The following PCDHGB7 variants were observed in gnomAD, a reference collection of about 807,000 sequenced individuals.
PCDHGB7 encodes the protein protocadherin gamma-B7.
In PCDHGB7, 37 loss-of-function variants were observed where a neutral mutation model predicts 61.4. The ratio of observed to expected loss-of-function variants is 0.60; its 90% CI spans 0.46 to 0.79. PCDHGB7 has a LOEUF of 0.79. Ranked by LOEUF, PCDHGB7 falls within the 30% of genes least tolerant of loss-of-function variation. The probability of loss-of-function intolerance (pLI) is 0.00; values close to 1 mark genes in which losing one functional copy is unlikely to be tolerated. For missense variants in PCDHGB7, 1,166 were observed against 1,202.5 expected (o/e 0.97, Z 0.45); for synonymous variants, 464 against 503.5 (o/e 0.92, Z 1.05).
chr5:141,468,374 C>T (rs1340499708), intron 1 of PCDHGB7: 2 of 150,736 alleles, frequency 1.3e-5, no homozygotes, highest in Non-Finnish European at 3.0e-5. Context: ...ATAACTCAGC[C>T]ATACAAGGCT....
At chr5:141,501,206 A>G (rs977574347) in intron 2 of PCDHGB7, among the ~76,000 whole-genome samples, 22 of 151,674 alleles carry the variant, frequency 1.5e-4, no homozygotes, top group African/African-American at 5.3e-4. Context: ...GGGTGTTGTC[A>G]GGGTGACTTC....
intron 1 of PCDHGB7, among the ~76,000 whole-genome samples, chr5:141,467,361 G>A (rs555435172): frequency 1.3e-5 from 2 of 151,860 alleles, no homozygotes; most frequent in South Asian, 4.2e-4. Context: ...CCAAATCAAC[G>A]TTTTCTTATA....
intron 1 of PCDHGB7, among the ~76,000 whole-genome samples, chr5:141,433,999 A>G (rs1471657184): frequency 6.6e-6 from 1 of 152,070 alleles, no homozygotes; most frequent in Admixed American, 6.6e-5. Context: ...TATATTCTCT[A>G]TATATGTTTG....
Position 141,476,559 on chromosome 5 carries a change from T to C in PCDHGB7, c.2416-18248T>C. The stretch of plus-strand genomic sequence containing the variant: ...ATGAAATTGGAGATTAGCGAGGCCG[T>C]GGCTCCGGGGACGCGCTTTCCGCTC... On this transcript the variant is annotated intron_variant, in intron 1 of 3. Coordinates refer to ENST00000398594, the MANE Select transcript of PCDHGB7 (RefSeq NM_018927.4). This position sits in a 1 kb window ranked among gnomAD's most constrained non-coding sequence, Gnocchi z 7.6. 4 of 1,614,228 alleles carry C rather than the reference T, an allele frequency of 2.5e-6. No homozygotes were observed. Among genetic ancestry groups the C allele is most frequent in the Non-Finnish European group, 3.4e-6 (4 of 1,180,036 alleles).
rs532631149 is a variant in PCDHGB7, at chr5:141,506,489, C to A, written c.2563+1008C>A. On this transcript the variant is annotated intron_variant, in intron 3 of 3. Transcript: ENST00000398594. ...AAGAGCACAGGCTTTAGAGGCAGGC[C>A]AATCTGGATTCAAATCCTGGCACCT... 1.9e-4 allele frequency among the ~76,000 whole-genome samples: 29 copies of A among 150,750 alleles called. 1 individual carries two copies. In the South Asian group the frequency reaches 5.9e-3, roughly 31 times the overall value.
At position 141,476,565 on chromosome 5, in the gene PCDHGB7, C is replaced by A; in HGVS notation, c.2416-18242C>A. 1 of 1,614,184 alleles carries A rather than the reference C, an allele frequency of 6.2e-7. No homozygotes were observed. ...TTGGAGATTAGCGAGGCCGTGGCTC[C>A]GGGGACGCGCTTTCCGCTCGAGAGC... On this transcript the variant is annotated intron_variant, in intron 1 of 3. Coordinates refer to ENST00000398594, the MANE Select transcript of PCDHGB7 (RefSeq NM_018927.4). The surrounding 1 kb of genome is among the most constrained non-coding windows in gnomAD (Gnocchi z 7.6).
chr5:141,471,036 C>A (rs1437409726), intron 1 of PCDHGB7, among the ~76,000 whole-genome samples: 1 of 144,908 alleles, frequency 6.9e-6, no homozygotes, highest in Admixed American at 7.0e-5. Context: ...TATTAACAAG[C>A]CCAAGCCCTC....
chr5:141,489,592 C>A lies in PCDHGB7; in HGVS notation c.2416-5215C>A, dbSNP rs747085985. On this transcript the variant is annotated intron_variant, in intron 1 of 3. Coordinates refer to ENST00000398594, the MANE Select transcript of PCDHGB7 (RefSeq NM_018927.4). The surrounding 1 kb of genome is among the most constrained non-coding windows in gnomAD (Gnocchi z 4.5). ...GACTGAACACCCCCTGGAGCTAATCCGTGTAGAGGTAGAGATCCTGGATCT... is the reference window on the plus strand; with the variant it reads ...GACTGAACACCCCCTGGAGCTAATCAGTGTAGAGGTAGAGATCCTGGATCT... 3 of 1,614,046 alleles carry A rather than the reference C, an allele frequency of 1.9e-6. No homozygotes were observed. Among genetic ancestry groups the A allele is most frequent in the Non-Finnish European group, 2.5e-6 (3 of 1,179,978 alleles).
At chr5:141,503,396 A>G (rs1025780031) in intron 2 of PCDHGB7, among the ~76,000 whole-genome samples, 2 of 151,944 alleles carry the variant, frequency 1.3e-5, no homozygotes, top group African/African-American at 2.4e-5. Flanking sequence ...GGAGTTCGAA[A>G]CCAACCTGGC....
chr5:141,445,341 A>G (rs1165606147), intron 1 of PCDHGB7, among the ~76,000 whole-genome samples: 2 of 152,218 alleles, frequency 1.3e-5, no homozygotes, highest in African/African-American at 4.8e-5. Context: ...AACAGTAAAC[A>G]TTGGTGTCTG....
chr5:141,461,655 ATTTTAAAG>A (rs2099019832), intron 1 of PCDHGB7, among the ~76,000 whole-genome samples: 1 of 152,022 alleles, frequency 6.6e-6, no homozygotes, highest in African/African-American at 2.4e-5. Flanking sequence ...CCCATGGATT[ATTTTAAAG>A]TTTGTTATTT....
In PCDHGB7 at chr5:141,490,761, G is replaced by GTA. The variant is rs1380770489; in HGVS notation, c.2416-4044_2416-4043dup. The GTA allele has an allele frequency of 6.2e-7, 1 of 1,614,048 alleles. No individual in the cohort carries two copies. The highest frequency in any genetic ancestry group is 1.3e-5 in the African/African-American group (1 of 74,920). On this transcript the variant is annotated intron_variant, in intron 1 of 3. Coordinates refer to ENST00000398594, the MANE Select transcript of PCDHGB7 (RefSeq NM_018927.4). The surrounding 1 kb of genome is among the most constrained non-coding windows in gnomAD (Gnocchi z 5.4). ...AGGGAGCCCCAGCCTCCTCCTTTGT[G>GTA]TATGTCAACCCAGAGGATGGACGGA...
chr5:141,418,744 T>C lies in PCDHGB7; in HGVS notation c.885T>C (p.Asp295=). 6.2e-7 allele frequency: 1 copy of C among 1,613,936 alleles called. No homozygotes were observed. The highest frequency in any genetic ancestry group is 8.5e-7 in the Non-Finnish European group (1 of 1,179,828). Residue 295 remains aspartate (D), a synonymous_variant, in exon 1 of 4, where the codon GAT becomes GAC. Transcript: ENST00000398594. ...AAGCTCAGCACGTGTTCTCTCTGGA[T>C]TACACTACAGGAAACATTCTAACTC... ...ADKAQHVFSL[D]YTTGNILTQQ... is the part of the protein sequence containing the mutation.
At chr5:141,465,150 G>A (rs192648619) in intron 1 of PCDHGB7, among the ~76,000 whole-genome samples, 474 of 151,492 alleles carry the variant, frequency 3.1e-3, no homozygotes, top group Middle Eastern at 0.024. Context: ...GATATATGAA[G>A]GGACTCTAAA....
At chr5:141,478,050 CG>C in intron 1 of PCDHGB7, 1 of 1,614,184 alleles carries the variant, frequency 6.2e-7, no homozygotes, top group Non-Finnish European at 8.5e-7. Context: ...CAGACTCTCA[CG>C]GTCTTGATCA....
chr5:141,450,838 T>A (rs2098698352), intron 1 of PCDHGB7, among the ~76,000 whole-genome samples: 1 of 149,278 alleles, frequency 6.7e-6, no homozygotes, highest in African/African-American at 2.5e-5. Flanking sequence ...TATTTTTTTT[T>A]TTTTGAGATG....
At chr5:141,465,768 C>T (rs1414064889) in intron 1 of PCDHGB7, among the ~76,000 whole-genome samples, 1 of 151,916 alleles carries the variant, frequency 6.6e-6, no homozygotes, top group Non-Finnish European at 1.5e-5. Flanking sequence ...CATGTTTCAT[C>T]TCTTGTTACA....
At position 141,491,744 on chromosome 5, in the gene PCDHGB7, C is replaced by T; in HGVS notation, c.2416-3063C>T. 6.3e-7 allele frequency: 1 copy of T among 1,592,720 alleles called. No individual in the cohort carries two copies. Among genetic ancestry groups the T allele is most frequent in the African/African-American group, 1.3e-5 (1 of 74,122 alleles). Reference sequence around the variant, plus strand: ...CCCCGGGCGACCCCTGGGGGCGGCACTGGAGAAGCCGCCCGTCCTCATAAG... The same window carrying T: ...CCCCGGGCGACCCCTGGGGGCGGCATTGGAGAAGCCGCCCGTCCTCATAAG... On this transcript the variant is annotated intron_variant, in intron 1 of 3. Transcript: ENST00000398594. The surrounding 1 kb of genome is among the most constrained non-coding windows in gnomAD (Gnocchi z 6.9).
chr5:141,491,980 C>A lies in PCDHGB7; in HGVS notation c.2416-2827C>A. On this transcript the variant is annotated intron_variant, in intron 1 of 3. Coordinates refer to ENST00000398594, the MANE Select transcript of PCDHGB7 (RefSeq NM_018927.4). This position sits in a 1 kb window ranked among gnomAD's most constrained non-coding sequence, Gnocchi z 6.9. ...AAAAAAGGCCGGGGCCTCCTTCGAGCTTCCGGTGAATTTCGGGCGATTTCC... is the reference window on the plus strand; with the variant it reads ...AAAAAAGGCCGGGGCCTCCTTCGAGATTCCGGTGAATTTCGGGCGATTTCC... 1.3e-6 allele frequency: 1 copy of A among 784,426 alleles called. No homozygotes were observed. Among genetic ancestry groups the A allele is most frequent in the Non-Finnish European group, 1.9e-6 (1 of 530,582 alleles). The allele number at this position is 784,426 out of a possible 1,614,324, so 48.6% of individuals were successfully genotyped here.
Sources: allele counts gnomAD v4.1 joint callset (sites outside exome capture counted in the v4.1 genomes callset), GRCh38; gene constraint gnomAD v4.1.1; non-coding constraint Gnocchi (gnomAD v3.1); transcripts MANE v1.5; gene names NCBI Gene and HGNC (gene_info 2026-07-23, HGNC 2026-07-21).